Variants in TAF1B observed in about 807,000 individuals in gnomAD.
TAF1B encodes TATA-box binding protein associated factor, RNA polymerase I subunit B.
TAF1B carries 61 observed loss-of-function variants against 83.9 expected under a neutral mutation model. The observed-to-expected ratio is 0.73, with a 90% CI of 0.59 to 0.90. The LOEUF (loss-of-function observed/expected upper bound fraction) is 0.90. TAF1B is among the 40% of genes least tolerant of loss of function. The pLI, the probability that TAF1B is intolerant of heterozygous loss-of-function variation, is 0.00. For synonymous variants in TAF1B, 221 were observed against 224.6 expected (o/e 0.98, Z 0.14); for missense variants, 625 against 677.0 (o/e 0.92, Z 0.85).
At chr2:9,843,785 A>T (rs887075993) in intron 1 of TAF1B, 3 of 492,138 alleles carry the variant, frequency 6.1e-6, no homozygotes, top group Non-Finnish European at 1.1e-5. Flanking sequence ...GTTGTGGGGG[A>T]GGGAGGGTGT....
chr2:9,894,666 C>G (rs922753589), intron 8 of TAF1B, among the ~76,000 whole-genome samples: 2 of 152,218 alleles, frequency 1.3e-5, no homozygotes, highest in African/African-American at 4.8e-5. Flanking sequence ...TTGTTTCATC[C>G]TGGGCCAGTA....
intron 5 of TAF1B, among the ~76,000 whole-genome samples, chr2:9,854,925 A>T (rs1400204745): frequency 1.3e-5 from 2 of 152,302 alleles, no homozygotes; most frequent in Admixed American, 6.5e-5. Flanking sequence ...TGTGCCATGT[A>T]ACATTTTATT....
chr2:9,904,494 A>T (rs1239907298), intron 8 of TAF1B, among the ~76,000 whole-genome samples: 2 of 152,192 alleles, frequency 1.3e-5, no homozygotes, highest in Non-Finnish European at 2.9e-5. Context: ...TTCTTCATCT[A>T]GTCCACTGTT....
At chr2:9,901,565 T>C (rs934047265) in intron 8 of TAF1B, among the ~76,000 whole-genome samples, 6 of 152,186 alleles carry the variant, frequency 3.9e-5, no homozygotes, top group African/African-American at 1.4e-4. Flanking sequence ...ATGATTTTTT[T>C]TCTAAGGGGA....
intron 5 of TAF1B, among the ~76,000 whole-genome samples, chr2:9,854,767 G>C (rs910434838): frequency 6.6e-6 from 1 of 151,980 alleles, no homozygotes; most frequent in African/African-American, 2.4e-5. Context: ...TGTTTGCTTG[G>C]AATACCTACT....
At chr2:9,886,481 G>A (rs540234215) in intron 8 of TAF1B, among the ~76,000 whole-genome samples, 1 of 152,252 alleles carries the variant, frequency 6.6e-6, no homozygotes, top group African/African-American at 2.4e-5. Flanking sequence ...ATTGCTTCCT[G>A]TGCTGAGTTT....
At chr2:9,848,198 T>C (rs1469543) in intron 2 of TAF1B, among the ~76,000 whole-genome samples, 34,596 of 152,150 alleles carry the variant, frequency 0.23, 4,782 homozygotes, top group East Asian at 0.31. Context: ...CCAAAATTGC[T>C]TTGAATATGG....
intron 14 of TAF1B, among the ~76,000 whole-genome samples, chr2:9,925,476 C>A (rs191040368): frequency 6.6e-6 from 1 of 152,056 alleles, no homozygotes; most frequent in Admixed American, 6.5e-5. Context: ...TATTTTTTTC[C>A]GTTTTACAGA....
intron 9 of TAF1B, among the ~76,000 whole-genome samples, chr2:9,908,028 C>CT (rs57261740): frequency 0.015 from 1,086 of 71,604 alleles, 231 homozygotes; most frequent in African/African-American, 0.03. Context: ...GATCTTAATT[C>CT]TTTTTTTTTT....
chr2:9,903,539 T>C (rs1665250883), intron 8 of TAF1B, among the ~76,000 whole-genome samples: 1 of 152,228 alleles, frequency 6.6e-6, no homozygotes, highest in Non-Finnish European at 1.5e-5. Context: ...TATATTAATA[T>C]TTGTTCATAG....
intron 12 of TAF1B, among the ~76,000 whole-genome samples, chr2:9,917,347 G>A (rs753493544): frequency 2.0e-5 from 3 of 152,008 alleles, no homozygotes; most frequent in African/African-American, 4.8e-5. Flanking sequence ...TTTTATATAC[G>A]TATTACTTCC....
At chr2:9,916,415 G>T (rs1665681943) in intron 12 of TAF1B, among the ~76,000 whole-genome samples, 1 of 152,202 alleles carries the variant, frequency 6.6e-6, no homozygotes, top group South Asian at 2.1e-4. Context: ...TTTTATTTTA[G>T]ATCACCTTTC....
chr2:9,888,030 ATT>A (rs1478424176), intron 8 of TAF1B, among the ~76,000 whole-genome samples: 3 of 151,908 alleles, frequency 2.0e-5, no homozygotes, highest in African/African-American at 7.3e-5. Flanking sequence ...TTAAAAAAAA[ATT>A]TTTTTTAGAG....
rs113801882 is a variant in TAF1B, at chr2:9,845,939, C to T, written c.117+621C>T. On this transcript the variant is annotated intron_variant, in intron 2 of 14. Coordinates refer to ENST00000263663, the MANE Select transcript of TAF1B (RefSeq NM_005680.3). ...CGGAGGTTGCAGTGAGACGAGATCACGCCACTGTACTCCAGCCTGGGCAGC... is the reference window on the plus strand; with the variant it reads ...CGGAGGTTGCAGTGAGACGAGATCATGCCACTGTACTCCAGCCTGGGCAGC... 1.9e-3 allele frequency: 713 copies of T among 371,514 alleles called. 6 individuals are homozygous for T. The highest frequency in any genetic ancestry group is 0.014 in the African/African-American group (634 of 46,868). 23.0% of individuals were successfully genotyped at this position (371,514 alleles called of 1,614,324 possible).
At chr2:9,877,273 C>A (rs1473840442) in intron 7 of TAF1B, among the ~76,000 whole-genome samples, 4 of 152,178 alleles carry the variant, frequency 2.6e-5, no homozygotes, top group Non-Finnish European at 4.4e-5. Flanking sequence ...GACACAGCTA[C>A]TTAGATGTCT....
intron 6 of TAF1B, chr2:9,868,701 G>A (rs193186009): frequency 5.9e-5 from 34 of 579,842 alleles, no homozygotes; most frequent in Non-Finnish European, 1.0e-4. Context: ...GAAGGAGGCT[G>A]CTTCAGAAAG....
At chr2:9,901,278 A>G (rs1349899486) in intron 8 of TAF1B, among the ~76,000 whole-genome samples, 1 of 152,228 alleles carries the variant, frequency 6.6e-6, no homozygotes, top group East Asian at 1.9e-4. Context: ...GAAATTTTAA[A>G]AAATGAAATC....
chr2:9,902,136 T>G (rs1665196165), intron 8 of TAF1B, among the ~76,000 whole-genome samples: 1 of 152,078 alleles, frequency 6.6e-6, no homozygotes, highest in African/African-American at 2.4e-5. Context: ...ACAGTGTAAT[T>G]GTCTCCGTTA....
intron 11 of TAF1B, among the ~76,000 whole-genome samples, chr2:9,912,884 A>G (rs1185281186): frequency 6.6e-6 from 1 of 152,236 alleles, no homozygotes; most frequent in Non-Finnish European, 1.5e-5. Context: ...AACAATTATC[A>G]TATTGACCAG....
Sources: gnomAD v4.1 joint callset for allele counts (sites outside exome capture counted in the v4.1 genomes callset) on GRCh38, gnomAD v4.1.1 for gene constraint, MANE v1.5 for transcripts, NCBI Gene and HGNC (gene_info 2026-07-23, HGNC 2026-07-21) for gene names.